Variants in CNST observed in about 807,000 individuals in gnomAD.
The protein encoded by CNST is consortin.
Under a neutral mutation model 72.4 loss-of-function variants are expected in CNST, and 39 were observed. The ratio of observed to expected loss-of-function variants is 0.54; its 90% CI spans 0.42 to 0.70. The LOEUF is 0.70. CNST is among the 30% of genes least tolerant of loss of function. The probability of loss-of-function intolerance (pLI) is 0.00; values close to 1 mark genes in which losing one functional copy is unlikely to be tolerated. For missense variants in CNST, 871 were observed against 868.5 expected, an observed-to-expected ratio of 1.00 and a Z score of -0.04; for synonymous variants, 332 against 320.1, an observed-to-expected ratio of 1.04 and a Z score of -0.40.
intron 3 of CNST, among the ~76,000 whole-genome samples, chr1:246,622,412 A>G (rs1225417245): frequency 6.6e-6 from 1 of 152,192 alleles, no homozygotes; most frequent in Non-Finnish European, 1.5e-5. Flanking sequence ...TGCCCTGTGG[A>G]CACTTGGGAA....
At chr1:246,638,653 A>G (rs1203727743) in intron 6 of CNST, among the ~76,000 whole-genome samples, 6 of 152,158 alleles carry the variant, frequency 3.9e-5, no homozygotes, top group African/African-American at 9.7e-5. Context: ...ATTGGCTTCA[A>G]TAGTGTGGGC....
chr1:246,589,625 T>C (rs1203392401), intron 1 of CNST, among the ~76,000 whole-genome samples: 1 of 152,218 alleles, frequency 6.6e-6, no homozygotes, highest in African/African-American at 2.4e-5. Context: ...TTTGGGTGTA[T>C]ACCCAGTAAT....
intron 3 of CNST, among the ~76,000 whole-genome samples, chr1:246,629,650 G>A (rs1339967095): frequency 6.6e-6 from 1 of 152,182 alleles, no homozygotes; most frequent in Non-Finnish European, 1.5e-5. Flanking sequence ...TGGGCAACCT[G>A]AAACTATATC....
chr1:246,576,703 AGGTT>A (rs904578295), intron 1 of CNST, among the ~76,000 whole-genome samples: 2 of 151,858 alleles, frequency 1.3e-5, no homozygotes, highest in Non-Finnish European at 2.9e-5. Flanking sequence ...CATATTGGCC[AGGTT>A]GGTCTCTAAC....
chr1:246,649,457 A>G (rs1024888667), intron 9 of CNST, among the ~76,000 whole-genome samples: 3 of 152,348 alleles, frequency 2.0e-5, no homozygotes, highest in East Asian at 1.9e-4. Flanking sequence ...TCTCTGGTAC[A>G]GGAAGTTAAC....
chr1:246,638,478 A>G (rs1347638581), intron 6 of CNST, among the ~76,000 whole-genome samples: 2 of 152,168 alleles, frequency 1.3e-5, no homozygotes, highest in African/African-American at 4.8e-5. Flanking sequence ...TGTTGTTTGC[A>G]ATTAGGAAAC....
intron 3 of CNST, among the ~76,000 whole-genome samples, chr1:246,631,653 A>G (rs1558572749): frequency 6.6e-6 from 1 of 152,234 alleles, no homozygotes; most frequent in East Asian, 1.9e-4. Flanking sequence ...GAGGTAGAGT[A>G]GGAAGAATGA....
At chr1:246,632,029 A>G (rs1572206921) in intron 4 of CNST, 105 bp downstream of exon 4, 1 of 715,110 alleles carries the variant, frequency 1.4e-6, no homozygotes, top group African/African-American at 1.8e-5. Flanking sequence ...TACAGATCAT[A>G]TGGTTTCAGT....
chr1:246,581,739 T>C, intron 1 of CNST, among the ~76,000 whole-genome samples: 1 of 152,248 alleles, frequency 6.6e-6, no homozygotes, highest in East Asian at 1.9e-4. Flanking sequence ...AAGTGTTCTT[T>C]GTGGCTTTGA....
chr1:246,660,225 C>A lies in CNST; in HGVS notation c.1863C>A (p.Ser621=), dbSNP rs1667015685. ...AEVVPTEGLV[S]ILKKRNDTVG... Reference sequence around the variant, plus strand: ...TTGTTCCTACTGAAGGATTGGTCTCCATATTAAAGAAGAGGAATGATACTG... The same window carrying A: ...TTGTTCCTACTGAAGGATTGGTCTCAATATTAAAGAAGAGGAATGATACTG... Residue 621 remains serine, a synonymous_variant, in exon 10 of 11, where the codon TCC becomes TCA. Coordinates refer to ENST00000366513, the MANE Select transcript of CNST (RefSeq NM_152609.3). 6.2e-7 allele frequency: 1 copy of A among 1,611,964 alleles called. No individual in the cohort carries two copies. The highest frequency in any genetic ancestry group is 8.5e-7 in the Non-Finnish European group (1 of 1,179,124).
intron 3 of CNST, 85 bp downstream of exon 3, chr1:246,621,719 G>C (rs1385611442): frequency 8.4e-7 from 1 of 1,184,514 alleles, no homozygotes; most frequent in East Asian, 2.3e-5. Context: ...TCTTGGCTGG[G>C]CGCAGTGGCT....
intron 6 of CNST, among the ~76,000 whole-genome samples, chr1:246,637,275 G>T (rs558589902): frequency 1.3e-5 from 2 of 152,140 alleles, no homozygotes; most frequent in Non-Finnish European, 2.9e-5. Context: ...CACAGCGTAG[G>T]GGCCTGTCCA....
At chr1:246,610,009 G>A (rs896873491) in intron 2 of CNST, among the ~76,000 whole-genome samples, 7 of 152,132 alleles carry the variant, frequency 4.6e-5, no homozygotes, top group Non-Finnish European at 8.8e-5. Flanking sequence ...CCAGCCAGGC[G>A]CAGTGGCTCA....
intron 3 of CNST, among the ~76,000 whole-genome samples, chr1:246,630,214 C>T (rs1484736242): frequency 6.6e-6 from 1 of 152,170 alleles, no homozygotes; most frequent in Non-Finnish European, 1.5e-5. Context: ...GGGGCTCTCC[C>T]CAACACTCTG....
At chr1:246,636,823 CTATGGTGAGTGAAGGACTGTTGACATGAG>C (rs1157098727) in intron 6 of CNST, among the ~76,000 whole-genome samples, 1 of 152,126 alleles carries the variant, frequency 6.6e-6, no homozygotes, top group Non-Finnish European at 1.5e-5. Context: ...TTCTATATGA[CTATGGTGAGTGAAGGACTGTTGACATGAG>C]TATGGTGAGT....
chr1:246,664,363 T>A (rs1667273584), intron 10 of CNST, among the ~76,000 whole-genome samples: 1 of 152,172 alleles, frequency 6.6e-6, no homozygotes. Context: ...ATGTCCCAGG[T>A]GGCCTGAGGC....
At chr1:246,652,757 C>T (rs939810024) in intron 9 of CNST, among the ~76,000 whole-genome samples, 1 of 151,682 alleles carries the variant, frequency 6.6e-6, no homozygotes, top group Admixed American at 6.6e-5. Flanking sequence ...GTAATCCCAG[C>T]ACTTTGGGAG....
chr1:246,626,646 G>T (rs543347317), intron 3 of CNST, among the ~76,000 whole-genome samples: 1 of 151,568 alleles, frequency 6.6e-6, no homozygotes, highest in Admixed American at 6.6e-5. Flanking sequence ...TAGCAGAGAC[G>T]GGGTTTCATC....
At chr1:246,595,782 A>G (rs1661834506) in intron 2 of CNST, among the ~76,000 whole-genome samples, 1 of 152,216 alleles carries the variant, frequency 6.6e-6, no homozygotes, top group Admixed American at 6.5e-5. Context: ...AAGAACATGT[A>G]AAATAAAGTA....
Sources: gnomAD v4.1 joint callset for allele counts (sites outside exome capture counted in the v4.1 genomes callset) on GRCh38, gnomAD v4.1.1 for gene constraint, MANE v1.5 for transcripts, NCBI Gene and HGNC (gene_info 2026-07-23, HGNC 2026-07-21) for gene names.